The following RRN3 variants were observed in gnomAD, a reference collection of about 807,000 sequenced individuals.
RRN3 encodes the protein RNA polymerase I-specific transcription initiation factor RRN3.
A neutral mutation model predicts 82.3 loss-of-function variants in RRN3; 38 were observed. The observed-to-expected ratio is 0.46, with a 90% CI of 0.36 to 0.61. The LOEUF is 0.61. Among genes scored for constraint, RRN3 ranks in the 20% least tolerant of loss-of-function variants. The probability of loss-of-function intolerance (pLI) is 0.00; values close to 1 mark genes in which losing one functional copy is unlikely to be tolerated. For synonymous variants in RRN3, 284 were observed against 284.3 expected (o/e 1.00, Z 0.01); for missense variants, 726 against 793.1 (o/e 0.92, Z 1.02).
At chr16:15,089,757 G>T (rs773590001) in intron 3 of RRN3, among the ~76,000 whole-genome samples, 1 of 108,922 alleles carries the variant, frequency 9.2e-6, no homozygotes, top group Non-Finnish European at 1.7e-5. Context: ...CCAAGATTGC[G>T]CCACTGCACT....
At chr16:15,077,399 T>C (rs1337705020) in intron 9 of RRN3, among the ~76,000 whole-genome samples, 3 of 152,086 alleles carry the variant, frequency 2.0e-5, no homozygotes, top group Non-Finnish European at 4.4e-5. Flanking sequence ...TGATAGTGAA[T>C]AAGTCTCAAG....
chr16:15,083,654 A>T, intron 7 of RRN3, 72 bp from the exon 8 acceptor site: 1 of 1,567,572 alleles, frequency 6.4e-7, no homozygotes, highest in East Asian at 2.2e-5. Context: ...GAAAACTACC[A>T]TTCTAAAAGC....
intron 3 of RRN3, among the ~76,000 whole-genome samples, chr16:15,087,464 G>A (rs771666859): frequency 2.6e-5 from 4 of 152,134 alleles, no homozygotes; most frequent in African/African-American, 4.8e-5. Context: ...TCTGTCCACC[G>A]TCCCACACGC....
At chr16:15,078,895 T>C (rs1254426218) in intron 9 of RRN3, among the ~76,000 whole-genome samples, 2 of 148,100 alleles carry the variant, frequency 1.4e-5, no homozygotes, top group African/African-American at 5.0e-5. Flanking sequence ...CACTGCAAGC[T>C]CCACCTCCCG....
intron 9 of RRN3, among the ~76,000 whole-genome samples, chr16:15,079,472 T>C (rs1268588703): frequency 1.3e-5 from 2 of 152,242 alleles, no homozygotes; most frequent in African/African-American, 4.8e-5. Context: ...ACCATACTTT[T>C]ACATTTGGAT....
At chr16:15,063,401 T>C in intron 16 of RRN3, 118 bp from the exon 17 acceptor site, 2 of 792,910 alleles carry the variant, frequency 2.5e-6, no homozygotes. Flanking sequence ...AACTACAGCT[T>C]AAATAATTAC....
At chr16:15,081,145 T>A (rs2045687579) in intron 8 of RRN3, among the ~76,000 whole-genome samples, 1 of 152,234 alleles carries the variant, frequency 6.6e-6, no homozygotes, top group South Asian at 2.1e-4. Flanking sequence ...TTGCTTCTAC[T>A]TGAGGCTATT....
At chr16:15,088,947 G>C in intron 3 of RRN3, among the ~76,000 whole-genome samples, 1 of 151,922 alleles carries the variant, frequency 6.6e-6, no homozygotes, top group Non-Finnish European at 1.5e-5. Context: ...AGCCAAGAGT[G>C]GACATGCTAA....
intron 16 of RRN3, among the ~76,000 whole-genome samples, chr16:15,063,978 A>C (rs188661677): frequency 1.7e-3 from 253 of 152,246 alleles, no homozygotes; most frequent in Non-Finnish European, 3.2e-3. Context: ...GCTGAAAAGT[A>C]AGTCTAGGAA....
At chr16:15,073,161 A>G (rs2045307370) in intron 11 of RRN3, 81 bp from the exon 12 acceptor site, 3 of 1,478,386 alleles carry the variant, frequency 2.0e-6, no homozygotes, top group East Asian at 2.3e-5. Flanking sequence ...TAAACACAAC[A>G]CCATTAAAAA....
chr16:15,079,794 G>A (rs1380765017), intron 9 of RRN3, among the ~76,000 whole-genome samples: 2 of 151,960 alleles, frequency 1.3e-5, no homozygotes, highest in South Asian at 2.1e-4. Context: ...ACGGGGTTTC[G>A]CCATGTTGGC....
At position 15,066,563 on chromosome 16, in the gene RRN3, G is replaced by A. The variant is rs2044983466; in HGVS notation, c.1554-1192C>T. 3.9e-5 allele frequency among the ~76,000 whole-genome samples: 6 copies of A among 152,036 alleles called. No individual in the cohort carries two copies. In the South Asian group the frequency reaches 1.2e-3, roughly 32 times the overall value. On this transcript the variant is annotated intron_variant, in intron 15 of 17. Coordinates refer to ENST00000198767, the MANE Select transcript of RRN3 (RefSeq NM_018427.5). ...CAGGAGAACTGCATGAGCCTCGGAGGTGGTGGTTGTAGTGAGCTAAGATCA... is the reference window on the plus strand; with the variant it reads ...CAGGAGAACTGCATGAGCCTCGGAGATGGTGGTTGTAGTGAGCTAAGATCA...
chr16:15,090,942 G>C (rs1257481527), intron 3 of RRN3, among the ~76,000 whole-genome samples: 1 of 149,936 alleles, frequency 6.7e-6, no homozygotes, highest in Non-Finnish European at 1.5e-5. Context: ...ATGGAGGAAA[G>C]AGGTAGTAAT....
intron 6 of RRN3, 103 bp from the exon 7 acceptor site, chr16:15,084,808 G>C (rs1051146421): frequency 1.2e-6 from 1 of 816,334 alleles, no homozygotes; most frequent in South Asian, 1.4e-5. Flanking sequence ...GCTCACGCCT[G>C]TAATCCCAGC....
intron 9 of RRN3, 89 bp from the exon 10 acceptor site, chr16:15,076,739 T>C (rs2045472930): frequency 3.4e-6 from 3 of 876,250 alleles, no homozygotes; most frequent in Non-Finnish European, 5.6e-6. Flanking sequence ...GATATACGCA[T>C]GTTCAAGGTG....
chr16:15,077,335 G>T (rs182678399), intron 9 of RRN3, among the ~76,000 whole-genome samples: 43 of 152,194 alleles, frequency 2.8e-4, no homozygotes, highest in South Asian at 1.2e-3. Context: ...GCTGGGGGGG[G>T]ACTGGTGGGA....
chr16:15,077,621 C>T (rs528414712), intron 9 of RRN3, among the ~76,000 whole-genome samples: 1 of 152,288 alleles, frequency 6.6e-6, no homozygotes, highest in African/African-American at 2.4e-5. Context: ...GTGGACGGAT[C>T]ATGAGGTCAG....
chr16:15,077,694 A>G (rs1468268484), intron 9 of RRN3, among the ~76,000 whole-genome samples: 2 of 152,216 alleles, frequency 1.3e-5, no homozygotes, highest in Admixed American at 6.5e-5. Context: ...ACAAAAAATT[A>G]GCCGGGCATG....
intron 15 of RRN3, among the ~76,000 whole-genome samples, chr16:15,067,723 A>G (rs1442506653): frequency 6.6e-6 from 1 of 152,036 alleles, no homozygotes; most frequent in Non-Finnish European, 1.5e-5. Flanking sequence ...TATAAAAACA[A>G]TAGCTGTATC....
Sources: gnomAD v4.1 joint callset for allele counts (sites outside exome capture counted in the v4.1 genomes callset) on GRCh38, gnomAD v4.1.1 for gene constraint, MANE v1.5 for transcripts, NCBI Gene and HGNC (gene_info 2026-07-23, HGNC 2026-07-21) for gene names.